CNTLN: variants seen among roughly 807,000 people sequenced by gnomAD.
CNTLN encodes centlein, centrosomal protein.
CNTLN carries 212 observed loss-of-function variants against 180.0 expected under a neutral mutation model. That is an observed-to-expected ratio of 1.18 (90% CI 1.05 to 1.32). CNTLN has a LOEUF of 1.32. Ranked by LOEUF, CNTLN falls within the 40% of genes most tolerant of loss-of-function variation. The pLI is 0.00. For synonymous variants in CNTLN, 722 were observed against 563.1 expected, an observed-to-expected ratio of 1.28 and a Z score of -3.99; for missense variants, 2,095 against 1,610.9, an observed-to-expected ratio of 1.30 and a Z score of -5.14.
At chr9:17,154,851 G>C (rs1247259397) in intron 2 of CNTLN, among the ~76,000 whole-genome samples, 1 of 152,228 alleles carries the variant, frequency 6.6e-6, no homozygotes, top group Non-Finnish European at 1.5e-5. Flanking sequence ...TGAGCCAGCA[G>C]GGGCAACCTG....
intron 18 of CNTLN, among the ~76,000 whole-genome samples, chr9:17,422,017 A>G (rs576930888): frequency 6.6e-4 from 101 of 152,218 alleles, no homozygotes; most frequent in African/African-American, 3.4e-4. Context: ...CTTACTGCTT[A>G]TCTACATCCT....
At chr9:17,136,784 C>T (rs1437504866) in intron 1 of CNTLN, among the ~76,000 whole-genome samples, 1 of 152,048 alleles carries the variant, frequency 6.6e-6, no homozygotes, top group Non-Finnish European at 1.5e-5. Context: ...TTCTGTTCTT[C>T]GTTGGATAAG....
At chr9:17,171,333 A>G (rs192973699) in intron 2 of CNTLN, among the ~76,000 whole-genome samples, 1 of 152,336 alleles carries the variant, frequency 6.6e-6, no homozygotes, top group East Asian at 1.9e-4. Context: ...TTTCACCTAC[A>G]GATGGGTACA....
chr9:17,307,844 A>T (rs567068332), intron 7 of CNTLN, among the ~76,000 whole-genome samples: 1 of 152,254 alleles, frequency 6.6e-6, no homozygotes, highest in South Asian at 2.1e-4. Flanking sequence ...AGGCAAACTG[A>T]TGGAAGATGT....
chr9:17,236,324 G>C, intron 4 of CNTLN, 85 bp from the exon 5 acceptor site: 1 of 1,153,486 alleles, frequency 8.7e-7, no homozygotes, highest in Admixed American at 2.6e-5. Context: ...TGCACAGTTT[G>C]TATTTGCTGA....
At chr9:17,228,943 A>T (rs1190272402) in intron 3 of CNTLN, among the ~76,000 whole-genome samples, 2 of 152,090 alleles carry the variant, frequency 1.3e-5, no homozygotes, top group African/African-American at 4.8e-5. Flanking sequence ...TGTGTTTGAG[A>T]TGCTGATAGG....
chr9:17,388,367 T>G (rs1463317193), intron 14 of CNTLN, 114 bp downstream of exon 14: 1 of 643,558 alleles, frequency 1.6e-6, no homozygotes, highest in Non-Finnish European at 2.6e-6. Flanking sequence ...ATCCTTAATT[T>G]AAATTCATAA....
the CNTLN span, among the ~76,000 whole-genome samples, chr9:17,510,289 A>G: frequency 1.3e-5 from 2 of 152,162 alleles, no homozygotes; most frequent in African/African-American, 4.8e-5. Context: ...TGACCATATG[A>G]CCATAGTGAC....
At chr9:17,239,678 T>G (rs1825370596) in intron 5 of CNTLN, among the ~76,000 whole-genome samples, 1 of 152,190 alleles carries the variant, frequency 6.6e-6, no homozygotes, top group African/African-American at 2.4e-5. Flanking sequence ...ATGTCATGCT[T>G]TTGTATGTGT....
chr9:17,364,532 A>G (rs1268864445), intron 12 of CNTLN, among the ~76,000 whole-genome samples: 2 of 152,022 alleles, frequency 1.3e-5, no homozygotes, highest in Non-Finnish European at 2.9e-5. Context: ...TCACTTCTTT[A>G]TCTTTTTAAA....
At chr9:17,331,110 T>G (rs1820614967) in intron 9 of CNTLN, among the ~76,000 whole-genome samples, 1 of 151,962 alleles carries the variant, frequency 6.6e-6, no homozygotes, top group Non-Finnish European at 1.5e-5. Flanking sequence ...CTCTCATATA[T>G]TAATCTATCT....
At chr9:17,400,703 G>C (rs4961559) in intron 15 of CNTLN, among the ~76,000 whole-genome samples, 2 of 151,884 alleles carry the variant, frequency 1.3e-5, no homozygotes, top group Non-Finnish European at 2.9e-5. Context: ...ATTATTAAAA[G>C]GAATCATTTT....
At chr9:17,306,479 T>C (rs367648958) in intron 7 of CNTLN, among the ~76,000 whole-genome samples, 20 of 152,072 alleles carry the variant, frequency 1.3e-4, no homozygotes, top group South Asian at 4.1e-4. Flanking sequence ...AAGGCAGAAG[T>C]TAGATGAGAG....
chr9:17,376,544 C>T (rs568760826), intron 13 of CNTLN, among the ~76,000 whole-genome samples: 14 of 151,848 alleles, frequency 9.2e-5, no homozygotes, highest in South Asian at 8.3e-4. Flanking sequence ...CTCCGCCTCC[C>T]GGGTTCACGC....
chr9:17,480,358 CA>C (rs56758433), intron 23 of CNTLN, among the ~76,000 whole-genome samples: 4,524 of 147,918 alleles, frequency 0.031, 92 homozygotes, highest in African/African-American at 0.051. Flanking sequence ...AAATTAATGG[CA>C]AAAAAAAAAA....
chr9:17,329,630 A>G, intron 8 of CNTLN, among the ~76,000 whole-genome samples: 1 of 151,906 alleles, frequency 6.6e-6, no homozygotes, highest in African/African-American at 2.4e-5. Context: ...TGCAGGTTAG[A>G]ATTAGGAAAA....
intron 24 of CNTLN, 24 bp from the exon 25 acceptor site, chr9:17,486,965 A>C (rs748853609): frequency 1.5e-5 from 19 of 1,294,724 alleles, no homozygotes; most frequent in Non-Finnish European, 2.2e-6. Context: ...CGTTAACACC[A>C]GTGTTTTTAT....
chr9:17,146,249 A>G (rs971211045), intron 2 of CNTLN, among the ~76,000 whole-genome samples: 1 of 152,042 alleles, frequency 6.6e-6, no homozygotes, highest in Non-Finnish European at 1.5e-5. Flanking sequence ...ACTCTGTTAG[A>G]GGTTGGATCT....
At chr9:17,317,070 A>G (rs373255008) in intron 8 of CNTLN, among the ~76,000 whole-genome samples, 11 of 152,150 alleles carry the variant, frequency 7.2e-5, no homozygotes, top group African/African-American at 2.7e-4. Flanking sequence ...TTGAGAAGAT[A>G]TCATGTCGTT....
Sources: allele counts gnomAD v4.1 joint callset (sites outside exome capture counted in the v4.1 genomes callset), GRCh38; gene constraint gnomAD v4.1.1; transcripts MANE v1.5; gene names NCBI Gene and HGNC (gene_info 2026-07-23, HGNC 2026-07-21).